RELCH: variants seen among roughly 807,000 people sequenced by gnomAD.
RELCH encodes RAB11-binding protein RELCH.
A neutral mutation model predicts 150.3 loss-of-function variants in RELCH; 41 were observed. The observed-to-expected ratio is 0.27, with a 90% CI of 0.21 to 0.35. The LOEUF is 0.35. RELCH is among the 10% of genes least tolerant of loss of function. The probability of loss-of-function intolerance (pLI) is 1.00; values close to 1 mark genes in which losing one functional copy is unlikely to be tolerated. For missense variants in RELCH, 1,092 were observed against 1,467.8 expected (o/e 0.74, Z 4.18); for synonymous variants, 478 against 531.8 (o/e 0.90, Z 1.39).
Position 62,284,071 on chromosome 18 carries a change from G to A in RELCH, c.3253+1627G>A, listed in dbSNP as rs545217041. 5.3e-5 allele frequency among the ~76,000 whole-genome samples: 8 copies of A among 152,214 alleles called. No individual in the cohort carries two copies. The East Asian group carries it at 1.5e-3, about 29-fold the overall frequency. ...TGATAATCTGGGAAGAATCCATCTG[G>A]ATTCTTATAGGATCTGCTCCAATTA... is the stretch of plus-strand genomic sequence containing the variant. On this transcript the variant is annotated intron_variant, in intron 25 of 28. Coordinates refer to ENST00000644646, the MANE Select transcript of RELCH (RefSeq NM_001346231.2).
chr18:62,235,518 A>G (rs552614057), intron 10 of RELCH: 2 of 152,106 alleles, frequency 1.3e-5, no homozygotes, highest in Non-Finnish European at 2.9e-5. Flanking sequence ...TAGAGATTAC[A>G]TTAAATCTGT....
chr18:62,203,756 G>A (rs1370308626), intron 1 of RELCH, among the ~76,000 whole-genome samples: 1 of 152,106 alleles, frequency 6.6e-6, no homozygotes, highest in Non-Finnish European at 1.5e-5. Context: ...CAAGGCAGGA[G>A]GACTGCTTGA....
intron 5 of RELCH, among the ~76,000 whole-genome samples, chr18:62,225,795 A>G (rs1195433849): frequency 6.6e-6 from 1 of 151,832 alleles, no homozygotes; most frequent in Non-Finnish European, 1.5e-5. Context: ...TGTTCATTTA[A>G]TAAGTTTTTT....
intron 20 of RELCH, 81 bp downstream of exon 20, chr18:62,269,029 G>T (rs1317605195): frequency 1.7e-6 from 1 of 596,226 alleles, no homozygotes; most frequent in African/African-American, 1.9e-5. Flanking sequence ...TAATGTAAGT[G>T]ACATTGCTAC....
chr18:62,264,873 T>A, intron 18 of RELCH, 21 bp downstream of exon 18: 1 of 1,583,822 alleles, frequency 6.3e-7, no homozygotes, highest in Non-Finnish European at 8.6e-7. Flanking sequence ...GTATTCCATG[T>A]TTTCTTATAT....
At chr18:62,275,682 G>T (rs1454558210) in intron 22 of RELCH, 3 of 399,236 alleles carry the variant, frequency 7.5e-6, no homozygotes, top group South Asian at 4.9e-5. Context: ...CAGCTTACTG[G>T]TTCCTTGAAT....
At chr18:62,224,541 G>A (rs1440316409) in intron 5 of RELCH, among the ~76,000 whole-genome samples, 2 of 151,882 alleles carry the variant, frequency 1.3e-5, no homozygotes, top group African/African-American at 2.4e-5. Context: ...CTCCAAAAAC[G>A]GTACAAAAAC....
chr18:62,279,942 A>G, intron 23 of RELCH, 86 bp downstream of exon 23: 1 of 810,308 alleles, frequency 1.2e-6, no homozygotes, highest in Admixed American at 2.3e-5. Context: ...AAATTTATTG[A>G]AGAATCTCTT....
intron 10 of RELCH, among the ~76,000 whole-genome samples, chr18:62,236,921 T>A (rs1390546380): frequency 6.6e-6 from 1 of 151,806 alleles, no homozygotes. Flanking sequence ...TTTTTTAATG[T>A]AGGTATTTAT....
At position 62,252,997 on chromosome 18, in the gene RELCH, G is replaced by A. The variant is rs531067599; in HGVS notation, c.1824+243G>A. 3.9e-5 allele frequency among the ~76,000 whole-genome samples: 6 copies of A among 152,132 alleles called. No individual in the cohort carries two copies. The East Asian group carries it at 1.2e-3, about 29-fold the overall frequency. On this transcript the variant is annotated intron_variant, in intron 12 of 28. Coordinates refer to ENST00000644646, the MANE Select transcript of RELCH (RefSeq NM_001346231.2). Reference sequence around the variant, plus strand: ...TGCCAGGTACTGAGGTAGTCACTAGGGATACAGTGGTGAACAAAAGACAAA... The same window carrying A: ...TGCCAGGTACTGAGGTAGTCACTAGAGATACAGTGGTGAACAAAAGACAAA...
intron 24 of RELCH, among the ~76,000 whole-genome samples, chr18:62,281,056 A>G (rs1348280445): frequency 6.6e-6 from 1 of 152,174 alleles, no homozygotes; most frequent in Non-Finnish European, 1.5e-5. Flanking sequence ...AGAGACAGAA[A>G]CTAAAAACCC....
Position 62,187,586 on chromosome 18 carries a change from C to A in RELCH, c.81C>A (p.Asp27Glu). 6.5e-7 allele frequency: 1 copy of A among 1,527,436 alleles called. No individual in the cohort carries two copies. Among genetic ancestry groups the A allele is most frequent in the Non-Finnish European group, 8.8e-7 (1 of 1,137,382 alleles). 94.6% of individuals were successfully genotyped at this position (1,527,436 alleles called of 1,614,324 possible). ...TCAGTGATTCGGATGAGGACGATGA[C>A]GAGGTAGCTGCAACAGAGGAACGGC... The part of the protein sequence containing the change: ...PFLSDSDEDD[D>E]EVAATEERRA... Residue 27 changes from aspartate to glutamate, a missense_variant, in exon 1 of 29, where the codon GAC (aspartate) becomes GAA (glutamate). Physicochemically the swap from Asp to Glu is conservative, Grantham distance 45. Transcript: ENST00000644646.
intron 16 of RELCH, among the ~76,000 whole-genome samples, chr18:62,262,847 C>G (rs2043343643): frequency 6.6e-6 from 1 of 150,864 alleles, no homozygotes; most frequent in African/African-American, 2.4e-5. Flanking sequence ...TTATCTCACA[C>G]TTCTGAATTT....
intron 10 of RELCH, among the ~76,000 whole-genome samples, chr18:62,233,889 A>G (rs2041730815): frequency 6.6e-6 from 1 of 151,986 alleles, no homozygotes; most frequent in Non-Finnish European, 1.5e-5. Context: ...AATTTGCATC[A>G]TCAGTAATCA....
chr18:62,280,635 A>G lies in RELCH; in HGVS notation c.3051-11A>G, dbSNP rs751398055. 1 of 1,603,940 alleles carries G rather than the reference A, an allele frequency of 6.2e-7. No homozygotes were observed. Among genetic ancestry groups the G allele is most frequent in the Admixed American group, 1.7e-5 (1 of 59,868 alleles). On this transcript the variant is annotated splice_polypyrimidine_tract_variant and intron_variant, in intron 23 of 28. Coordinates refer to ENST00000644646, the MANE Select transcript of RELCH (RefSeq NM_001346231.2). Reference sequence around the variant, plus strand: ...CAAATCTTCAGTTTCTTTCTGTTTTAATTCTAACAGCTCTGTCAGGATTGC... The same window carrying G: ...CAAATCTTCAGTTTCTTTCTGTTTTGATTCTAACAGCTCTGTCAGGATTGC...
chr18:62,189,037 G>A (rs941420072), intron 1 of RELCH, among the ~76,000 whole-genome samples: 1 of 152,006 alleles, frequency 6.6e-6, no homozygotes. Context: ...ATTGCCAAAC[G>A]TAGACGTGGT....
intron 22 of RELCH, chr18:62,277,709 CAAAAAGAGGG>C: frequency 1.0e-6 from 1 of 962,676 alleles, no homozygotes; most frequent in Non-Finnish European, 1.2e-6. Flanking sequence ...GACAGCAGGA[CAAAAAGAGGG>C]AACCCAATCA....
chr18:62,270,878 A>G (rs1200557259), intron 20 of RELCH, among the ~76,000 whole-genome samples: 1 of 151,324 alleles, frequency 6.6e-6, no homozygotes, highest in Non-Finnish European at 1.5e-5. Flanking sequence ...CCCACCTATG[A>G]GTGAGAACAT....
chr18:62,300,582 A>T (rs1303822230), intron 28 of RELCH: 1 of 152,234 alleles, frequency 6.6e-6, no homozygotes, highest in East Asian at 1.9e-4. Context: ...AAGATGTTGC[A>T]TATATGGATT....
Sources: allele counts gnomAD v4.1 joint callset (sites outside exome capture counted in the v4.1 genomes callset), GRCh38; gene constraint gnomAD v4.1.1; transcripts MANE v1.5; gene names NCBI Gene and HGNC (gene_info 2026-07-23, HGNC 2026-07-21).